AGL: variants seen among roughly 807,000 people sequenced by gnomAD.
AGL encodes glycogen debranching enzyme.
A neutral mutation model predicts 199.3 loss-of-function variants in AGL; 128 were observed. The observed-to-expected ratio is 0.64, with a 90% CI of 0.56 to 0.74. The LOEUF (loss-of-function observed/expected upper bound fraction) is 0.74. AGL is among the 30% of genes least tolerant of loss of function. The pLI is 0.00. For synonymous variants in AGL, 584 were observed against 594.7 expected (o/e 0.98, Z 0.26); for missense variants, 1,809 against 1,820.8 (o/e 0.99, Z 0.12).
intron 28 of AGL, among the ~76,000 whole-genome samples, 156 bp downstream of exon 28, chr1:99,911,003 A>G (rs1570505447): frequency 6.6e-6 from 1 of 152,336 alleles, no homozygotes; most frequent in East Asian, 1.9e-4. Flanking sequence ...ACATTTACAC[A>G]ATCCTGTTGA....
At chr1:99,852,289 T>C (rs1218442479) in intron 2 of AGL, among the ~76,000 whole-genome samples, 1 of 151,510 alleles carries the variant, frequency 6.6e-6, no homozygotes, top group Non-Finnish European at 1.5e-5. Flanking sequence ...GCCAGAATTC[T>C]CCTGGCTCTG....
intron 7 of AGL, among the ~76,000 whole-genome samples, chr1:99,871,420 C>T (rs1039169582): frequency 6.7e-6 from 1 of 148,704 alleles, no homozygotes; most frequent in Non-Finnish European, 1.5e-5. Flanking sequence ...GCCCCCCCCC[C>T]CCCAACAAAA....
chr1:99,902,468 GAC>G (rs766379886), intron 26 of AGL, among the ~76,000 whole-genome samples: 1 of 152,306 alleles, frequency 6.6e-6, no homozygotes, highest in Non-Finnish European at 1.5e-5. Context: ...TTATGTCACA[GAC>G]ATGAATAGTC....
At chr1:99,917,435 T>C (rs1188803004) in intron 33 of AGL, among the ~76,000 whole-genome samples, 2 of 152,192 alleles carry the variant, frequency 1.3e-5, no homozygotes, top group Non-Finnish European at 2.9e-5. Flanking sequence ...TACCATCCTT[T>C]TAAGCTATTT....
At chr1:99,888,985 T>A (rs1327964606) in intron 21 of AGL, among the ~76,000 whole-genome samples, 1 of 152,180 alleles carries the variant, frequency 6.6e-6, no homozygotes, top group African/African-American at 2.4e-5. Flanking sequence ...TAATGATTTT[T>A]GTGAATCTTT....
intron 7 of AGL, among the ~76,000 whole-genome samples, chr1:99,873,670 G>A (rs1651222604): frequency 6.6e-6 from 1 of 152,114 alleles, no homozygotes; most frequent in African/African-American, 2.4e-5. Context: ...TTGACCTCAG[G>A]TGATCCACCC....
chr1:99,868,387 G>A (rs1241439627), intron 5 of AGL, among the ~76,000 whole-genome samples: 1 of 152,106 alleles, frequency 6.6e-6, no homozygotes. Context: ...CGTGGCGGAT[G>A]GGTCACCTGA....
chr1:99,851,830 A>T (rs1256202368), intron 2 of AGL, among the ~76,000 whole-genome samples: 2 of 152,210 alleles, frequency 1.3e-5, no homozygotes, highest in Non-Finnish European at 2.9e-5. Flanking sequence ...TACCAAATGG[A>T]TGTTGCTAGT....
chr1:99,913,637 A>G lies in AGL; in HGVS notation c.4060A>G (p.Asn1354Asp). Residue 1354 changes from asparagine to aspartate, a missense_variant, in exon 30 of 34, where the codon AAT becomes GAT. Coordinates refer to ENST00000361915, the MANE Select transcript of AGL (RefSeq NM_000642.3). ...DPSDLNEKHP[N>D]LVHKRGIYKD... The stretch of plus-strand genomic sequence containing the variant: ...TTCAGATTTAAATGAAAAGCATCCA[A>G]ATCTGGTTCACAAACGTGGCATATA... 1 of 1,614,110 alleles carries G rather than the reference A, an allele frequency of 6.2e-7. No homozygotes were observed. The highest frequency in any genetic ancestry group is 8.5e-7 in the Non-Finnish European group (1 of 1,179,992).
intron 14 of AGL, 90 bp downstream of exon 14, chr1:99,880,885 T>C: frequency 6.9e-7 from 1 of 1,448,660 alleles, no homozygotes; most frequent in Non-Finnish European, 9.7e-7. Context: ...ACCCATATAC[T>C]TCAAAATAGT....
rs1652273534 is a variant in AGL at position 99,884,247 on chromosome 1, A to G, written c.2433+3A>G. 6.2e-7 allele frequency: 1 copy of G among 1,613,272 alleles called. No homozygotes were observed. The highest frequency in any genetic ancestry group is 8.5e-7 in the Non-Finnish European group (1 of 1,179,440). On this transcript the variant is annotated splice_donor_region_variant and intron_variant, in intron 18 of 33. Transcript: ENST00000361915. ...TAGAAATTAGAGAACATATTCAGGT[A>G]TTTGGGACTCTCATCTTACTACTGT... is the stretch of plus-strand genomic sequence containing the variant.
intron 2 of AGL, among the ~76,000 whole-genome samples, chr1:99,853,738 A>G (rs947341250): frequency 3.3e-5 from 5 of 152,040 alleles, no homozygotes; most frequent in South Asian, 2.1e-4. Flanking sequence ...AAAGAAACAA[A>G]ATTAGCTGGG....
chr1:99,884,095 T>A, intron 17 of AGL, 25 bp from the exon 18 acceptor site: 1 of 1,594,470 alleles, frequency 6.3e-7, no homozygotes, highest in Non-Finnish European at 8.6e-7. Context: ...TGAAATTTTG[T>A]TAAAATGTTT....
In AGL at chr1:99,864,503, C is replaced by A; in HGVS notation, c.578C>A (p.Thr193Asn). The A allele has an allele frequency of 6.2e-7, 1 of 1,613,600 alleles. No homozygotes were observed. The highest frequency in any genetic ancestry group is 8.5e-7 in the Non-Finnish European group (1 of 1,179,776). The part of the protein sequence containing the change: ...PDFSRPNRKY[T>N]WNDVGQLVEK... ...TTTTCAAGACCTAATAGAAAGTATA[C>A]CTGGAATGATGTTGGACAGCTAGTG... Residue 193 changes from threonine (T) to asparagine (N), a missense_variant, in exon 5 of 34, where the codon ACC becomes AAC. By Grantham distance (65) the Thr-to-Asn change is moderately conservative. Coordinates refer to ENST00000361915, the MANE Select transcript of AGL (RefSeq NM_000642.3).
chr1:99,910,768 C>A lies in AGL; in HGVS notation c.3757C>A (p.Arg1253Ser), dbSNP rs375531470. The A allele has an allele frequency of 1.2e-5, 19 of 1,612,200 alleles. No homozygotes were observed. The highest frequency in any genetic ancestry group is 1.5e-5 in the Non-Finnish European group (18 of 1,178,738). Residue 1253 changes from arginine to serine, a missense_variant, in exon 28 of 34, where the codon CGT becomes AGT. Physicochemically the swap from Arg to Ser is moderately radical, Grantham distance 110 (BLOSUM62 -1). Transcript: ENST00000361915. ...AACAGGATTTGTTTATGGAGGAAAT[C>A]GTTTCAATTGTGGCACATGGATGGA... The part of the protein sequence containing the change: ...EETGFVYGGN[R>S]FNCGTWMDKM...
In AGL at chr1:99,877,742, A is replaced by C. The variant is rs767810591; in HGVS notation, c.1525A>C (p.Met509Leu). Residue 509 changes from methionine (M) to leucine (L), a missense_variant, in exon 12 of 34, where the codon ATG (methionine) becomes CTG (leucine). Met to Leu is a conservative substitution (Grantham distance 15). Coordinates refer to ENST00000361915, the MANE Select transcript of AGL (RefSeq NM_000642.3). Reference sequence around the variant, plus strand: ...GGACTGTCCTTATCTCTGGGCACACATGAAAAAATACACTGAAATAACTGC... The same window carrying C: ...GGACTGTCCTTATCTCTGGGCACACCTGAAAAAATACACTGAAATAACTGC... Reference protein sequence around the residue: ...PEDCPYLWAHMKKYTEITATY... With the variant: ...PEDCPYLWAHLKKYTEITATY... 6.2e-7 allele frequency: 1 copy of C among 1,614,000 alleles called. No homozygotes were observed. The highest frequency in any genetic ancestry group is 8.5e-7 in the Non-Finnish European group (1 of 1,179,994).
rs1557759698 is a variant in AGL, at chr1:99,876,561, A to C, written c.1387A>C (p.Met463Leu). ...CFLMAHNGWV[M>L]GDDPLRNFAE... ...TCTGATGGCACACAATGGATGGGTA[A>C]TGGGAGATGATCCTCTTCGAAACTT... is the stretch of plus-strand genomic sequence containing the variant. Residue 463 changes from methionine (M) to leucine (L), a missense_variant, in exon 11 of 34, where the codon ATG (methionine) becomes CTG (leucine). Transcript: ENST00000361915. 5 of 1,614,064 alleles carry C rather than the reference A, an allele frequency of 3.1e-6. No individual in the cohort carries two copies. The highest frequency in any genetic ancestry group is 3.4e-6 in the Non-Finnish European group (4 of 1,179,972).
At chr1:99,912,571 C>A in intron 29 of AGL, 54 bp downstream of exon 29, 1 of 1,240,034 alleles carries the variant, frequency 8.1e-7, no homozygotes, top group Non-Finnish European at 1.2e-6. Flanking sequence ...TGTATATTCT[C>A]AACCTATGTA....
At chr1:99,908,399 GT>G (rs1010262712) in intron 27 of AGL, among the ~76,000 whole-genome samples, 60 of 152,306 alleles carry the variant, frequency 3.9e-4, no homozygotes, top group African/African-American at 1.4e-3. Context: ...GAACCACACT[GT>G]TTTGGTTAGT....
Sources: allele counts gnomAD v4.1 joint callset (sites outside exome capture counted in the v4.1 genomes callset), GRCh38; gene constraint gnomAD v4.1.1; transcripts MANE v1.5; gene names NCBI Gene and HGNC (gene_info 2026-07-23, HGNC 2026-07-21).